The following MICU3 variants were observed in gnomAD, a reference collection of about 807,000 sequenced individuals.
The protein encoded by MICU3 is mitochondrial calcium uptake 3.
MICU3 carries 62 observed loss-of-function variants against 66.5 expected under a neutral mutation model. The observed-to-expected ratio is 0.93, with a 90% CI of 0.76 to 1.15. The LOEUF (loss-of-function observed/expected upper bound fraction) is 1.15. MICU3 is among the 50% of genes most tolerant of loss of function. The pLI, the probability that MICU3 is intolerant of heterozygous loss-of-function variation, is 0.00. For missense variants in MICU3, 779 were observed against 664.4 expected (o/e 1.17, Z -1.90); for synonymous variants, 308 against 240.7 (o/e 1.28, Z -2.59).
At position 17,116,599 on chromosome 8, in the gene MICU3, G is replaced by A. The variant is rs573999467; in HGVS notation, c.1523G>A (p.Arg508Gln). The change falls in exon 13 of 15, where the codon CGG becomes CAG. Residue 508 changes from arginine to glutamine, a missense_variant and splice_region_variant. Physicochemically the swap from Arg to Gln is conservative, Grantham distance 43. Coordinates refer to ENST00000318063, the MANE Select transcript of MICU3 (RefSeq NM_181723.3). ...AAAGACAGACTCCATAGAGGATTCC[G>A]GGTAAACCTACACATTTTAAACCTA... ...IMKDRLHRGF[R>Q]GYKTVQKYPT... The A allele has an allele frequency of 5.8e-5, 90 of 1,554,594 alleles. 2 individuals carry two copies. In the South Asian group the frequency reaches 9.4e-4, roughly 16 times the overall value.
chr8:17,047,794 T>C (rs1252349040), intron 1 of MICU3, among the ~76,000 whole-genome samples: 2 of 152,196 alleles, frequency 1.3e-5, no homozygotes, highest in Non-Finnish European at 2.9e-5. Flanking sequence ...CAGATCATCA[T>C]TGAAAGAACC....
At chr8:17,094,213 A>G (rs1006228114) in intron 8 of MICU3, among the ~76,000 whole-genome samples, 1 of 151,930 alleles carries the variant, frequency 6.6e-6, no homozygotes, top group African/African-American at 2.4e-5. Context: ...AGTTTCATCT[A>G]TGTTGTATGT....
chr8:17,081,480 G>C (rs972201640), intron 4 of MICU3, among the ~76,000 whole-genome samples: 1 of 151,902 alleles, frequency 6.6e-6, no homozygotes, highest in Non-Finnish European at 1.5e-5. Context: ...ATATATTTGA[G>C]AGCATAATGA....
chr8:17,106,193 C>G (rs1434526859), intron 11 of MICU3, among the ~76,000 whole-genome samples: 1 of 151,984 alleles, frequency 6.6e-6, no homozygotes, highest in South Asian at 2.1e-4. Context: ...ACAAGCACCT[C>G]TTCAAGAGTG....
chr8:17,055,767 G>T (rs901502498), intron 1 of MICU3, among the ~76,000 whole-genome samples: 1 of 152,098 alleles, frequency 6.6e-6, no homozygotes, highest in Non-Finnish European at 1.5e-5. Context: ...CGTTCTCTTG[G>T]GGCTCTTATG....
At chr8:17,037,014 G>C (rs1397113772) in intron 1 of MICU3, among the ~76,000 whole-genome samples, 1 of 152,206 alleles carries the variant, frequency 6.6e-6, no homozygotes, top group African/African-American at 2.4e-5. Context: ...CCCGTGGGCT[G>C]GCACTGCTGG....
intron 11 of MICU3, among the ~76,000 whole-genome samples, chr8:17,109,046 C>T (rs945305208): frequency 1.3e-5 from 2 of 152,038 alleles, no homozygotes; most frequent in African/African-American, 2.4e-5. Flanking sequence ...GATGCCTACC[C>T]TTTCTAATCT....
chr8:17,071,676 A>G (rs571531266), intron 3 of MICU3, among the ~76,000 whole-genome samples: 27 of 152,334 alleles, frequency 1.8e-4, no homozygotes, highest in Non-Finnish European at 3.4e-4. Context: ...ATGTAAAAAT[A>G]CATAAATTTT....
At chr8:17,056,669 T>TATCCACAGGGGATATC (rs1254249920) in intron 1 of MICU3, among the ~76,000 whole-genome samples, 2 of 152,206 alleles carry the variant, frequency 1.3e-5, no homozygotes, top group Non-Finnish European at 2.9e-5. Flanking sequence ...CTGTGTTGGC[T>TATCCACAGGGGATATC]CACAGGGAAG....
At chr8:17,118,089 G>T (rs1043242036) in intron 13 of MICU3, among the ~76,000 whole-genome samples, 1 of 152,274 alleles carries the variant, frequency 6.6e-6, no homozygotes, top group South Asian at 2.1e-4. Flanking sequence ...AGAAGTACTT[G>T]AAACAAGTTA....
At chr8:17,058,386 T>C (rs563936722) in intron 1 of MICU3, among the ~76,000 whole-genome samples, 2 of 152,294 alleles carry the variant, frequency 1.3e-5, no homozygotes, top group African/African-American at 2.4e-5. Context: ...CACAGATTCA[T>C]TGTGCTCCAG....
intron 9 of MICU3, among the ~76,000 whole-genome samples, chr8:17,101,758 T>A (rs79227854): frequency 0.039 from 5,884 of 151,966 alleles, 173 homozygotes; most frequent in Non-Finnish European, 0.058. Context: ...TCCAGATGTA[T>A]ATAATATGTA....
chr8:17,088,761 A>T (rs901201951), intron 7 of MICU3, among the ~76,000 whole-genome samples: 2 of 151,952 alleles, frequency 1.3e-5, no homozygotes, highest in African/African-American at 4.8e-5. Context: ...AAAAGAGAAA[A>T]ATATTAGCAG....
chr8:17,090,281 A>G (rs1223738379), intron 7 of MICU3, among the ~76,000 whole-genome samples: 1 of 152,134 alleles, frequency 6.6e-6, no homozygotes, highest in Non-Finnish European at 1.5e-5. Context: ...TACTCAAAGC[A>G]GTAGTTCTAT....
intron 1 of MICU3, among the ~76,000 whole-genome samples, chr8:17,055,587 G>C (rs142078545): frequency 9.2e-5 from 14 of 152,302 alleles, no homozygotes; most frequent in African/African-American, 3.4e-4. Flanking sequence ...GAGCAGAAGT[G>C]ATTTGCACCA....
chr8:17,036,805 G>A (rs913901728), intron 1 of MICU3, among the ~76,000 whole-genome samples: 6 of 152,198 alleles, frequency 3.9e-5, no homozygotes, highest in Non-Finnish European at 7.3e-5. Flanking sequence ...CCAGTCCCGC[G>A]CCGTGCGCTC....
At chr8:17,070,345 A>G (rs924490044) in intron 3 of MICU3, among the ~76,000 whole-genome samples, 1 of 152,126 alleles carries the variant, frequency 6.6e-6, no homozygotes, top group Non-Finnish European at 1.5e-5. Context: ...AGTCTCAGAA[A>G]CATGATGGTA....
At chr8:17,087,797 C>T (rs2150748068) in intron 7 of MICU3, among the ~76,000 whole-genome samples, 1 of 152,092 alleles carries the variant, frequency 6.6e-6, no homozygotes, top group Admixed American at 6.6e-5. Context: ...AGATTTGAAC[C>T]TGTGTCTGGC....
intron 6 of MICU3, among the ~76,000 whole-genome samples, chr8:17,085,794 C>A (rs1799405858): frequency 6.6e-6 from 1 of 151,988 alleles, no homozygotes; most frequent in South Asian, 2.1e-4. Context: ...TATCTTTGAC[C>A]ATAGGCTGAT....
Sources: gnomAD v4.1 joint callset for allele counts (sites outside exome capture counted in the v4.1 genomes callset) on GRCh38, gnomAD v4.1.1 for gene constraint, MANE v1.5 for transcripts, NCBI Gene and HGNC (gene_info 2026-07-23, HGNC 2026-07-21) for gene names.